NSMCE2: variants seen among roughly 807,000 people sequenced by gnomAD.
NSMCE2 encodes NSE2 SUMO ligase component of SMC5/6 complex, also known as E3 SUMO-protein ligase NSE2.
In NSMCE2, 24 loss-of-function variants were observed where a neutral mutation model predicts 23.8. That is an observed-to-expected ratio of 1.01 (90% CI 0.73 to 1.42). NSMCE2 has a LOEUF of 1.42. Among genes scored for constraint, NSMCE2 ranks in the 40% most tolerant of loss-of-function variants. The pLI, the probability that NSMCE2 is intolerant of heterozygous loss-of-function variation, is 0.00. For missense variants in NSMCE2, 284 were observed against 296.5 expected (o/e 0.96, Z 0.31); for synonymous variants, 92 against 94.1 (o/e 0.98, Z 0.13).
chr8:125,338,481 A>G (rs1467441572), intron 5 of NSMCE2, among the ~76,000 whole-genome samples: 1 of 152,228 alleles, frequency 6.6e-6, no homozygotes, highest in Non-Finnish European at 1.5e-5. Flanking sequence ...TCCTGACAGC[A>G]GAGTGCAAGC....
intron 4 of NSMCE2, among the ~76,000 whole-genome samples, chr8:125,178,062 C>T (rs1822583411): frequency 6.6e-6 from 1 of 152,220 alleles, no homozygotes; most frequent in Admixed American, 6.5e-5. Flanking sequence ...GCCAGCCCCT[C>T]TGCCATTAGT....
intron 5 of NSMCE2, among the ~76,000 whole-genome samples, chr8:125,332,782 T>C (rs1470933741): frequency 6.6e-6 from 1 of 152,228 alleles, no homozygotes; most frequent in African/African-American, 2.4e-5. Flanking sequence ...GCACTTTAGC[T>C]TAGATTTCTG....
intron 3 of NSMCE2, among the ~76,000 whole-genome samples, chr8:125,106,234 CAT>C (rs1365856254): frequency 1.3e-5 from 2 of 152,080 alleles, no homozygotes; most frequent in African/African-American, 2.4e-5. Flanking sequence ...AAGACAAACA[CAT>C]ATTAAAATAC....
chr8:125,184,661 TA>T (rs1268831367), intron 5 of NSMCE2, among the ~76,000 whole-genome samples: 1 of 152,152 alleles, frequency 6.6e-6, no homozygotes, highest in Non-Finnish European at 1.5e-5. Context: ...AATGTAATTT[TA>T]GTGCAGTATT....
Position 125,367,011 on chromosome 8 carries a change from T to G in NSMCE2, c.*126T>G, listed in dbSNP as rs1813826477. The G allele has an allele frequency of 3.2e-6, 2 of 618,190 alleles. No individual in the cohort carries two copies. The highest frequency in any genetic ancestry group is 5.4e-5 in the Admixed American group (2 of 36,980). The allele number at this position is 618,190 out of a possible 1,614,324, so 38.3% of individuals were successfully genotyped here. On this transcript the variant is annotated 3_prime_UTR_variant, in exon 8 of 8. Transcript: ENST00000287437. The stretch of plus-strand genomic sequence containing the variant: ...CATACTTGTTGGGGGTAAAACTTGT[T>G]GCTTTTATGTGTGCTTGAAAACATT...
rs780039972 is a variant in NSMCE2, at chr8:125,102,407, C to T, written c.77C>T (p.Ser26Phe). The T allele has an allele frequency of 1.9e-6, 3 of 1,613,358 alleles. No homozygotes were observed. The highest frequency in any genetic ancestry group is 3.3e-5 in the Admixed American group (2 of 60,020). Residue 26 changes from serine (S) to phenylalanine (F), a missense_variant, in exon 3 of 8, where the codon TCC becomes TTC. Around this residue, in one of 2 missense-constraint regions of NSMCE2, gnomAD observed 182 missense variants for 155.5 expected, o/e 1.17. Transcript: ENST00000287437. The part of the protein sequence containing the change: ...SFSGVESALS[S>F]LKNFQACINS... ...AGTGGTGTAGAGTCTGCTCTCTCCT[C>T]CTTGAAAAACTTCCAAGCCTGTATC...
chr8:125,170,269 A>G (rs980120483), intron 4 of NSMCE2, among the ~76,000 whole-genome samples: 1 of 151,208 alleles, frequency 6.6e-6, no homozygotes, highest in African/African-American at 2.4e-5. Context: ...AGAAAATGGC[A>G]GTATTACTAT....
At chr8:125,137,374 A>G (rs1820124726) in intron 3 of NSMCE2, among the ~76,000 whole-genome samples, 1 of 152,084 alleles carries the variant, frequency 6.6e-6, no homozygotes, top group Non-Finnish European at 1.5e-5. Context: ...TCCTTCATTA[A>G]CTTTCTGTTT....
chr8:125,324,045 AATATATAG>A (rs1182950692), intron 5 of NSMCE2, among the ~76,000 whole-genome samples: 1 of 152,244 alleles, frequency 6.6e-6, no homozygotes, highest in Admixed American at 6.5e-5. Context: ...AGACACTTAA[AATATATAG>A]ATGACAAGCA....
chr8:125,361,132 C>T (rs766538058), intron 7 of NSMCE2, among the ~76,000 whole-genome samples: 27 of 147,102 alleles, frequency 1.8e-4, no homozygotes, highest in Non-Finnish European at 3.3e-4. Context: ...CACTCTGTCT[C>T]CCAGGCTGGA....
chr8:125,255,853 A>G (rs1230485407), intron 5 of NSMCE2, among the ~76,000 whole-genome samples: 1 of 152,216 alleles, frequency 6.6e-6, no homozygotes, highest in Non-Finnish European at 1.5e-5. Context: ...TGAAGCATGA[A>G]GACCAGTCAG....
intron 5 of NSMCE2, among the ~76,000 whole-genome samples, chr8:125,340,053 G>C (rs1248537041): frequency 8.2e-6 from 1 of 121,962 alleles, no homozygotes. Context: ...CTCGCTCTGT[G>C]GCCCAGGCGG....
chr8:125,146,058 A>G (rs537529688), intron 3 of NSMCE2, among the ~76,000 whole-genome samples: 7 of 152,242 alleles, frequency 4.6e-5, no homozygotes, highest in Middle Eastern at 3.2e-3. Context: ...GAATTTGGAA[A>G]GAGCTTTCCA....
At chr8:125,366,739 AC>A (rs1468642258) in intron 7 of NSMCE2, 28 bp from the exon 8 acceptor site, 8 of 1,291,310 alleles carry the variant, frequency 6.2e-6, no homozygotes, top group Non-Finnish European at 7.9e-6. Context: ...AGTAAAGGGG[AC>A]TGACTTGATG....
At chr8:125,223,596 A>G (rs1224483839) in intron 5 of NSMCE2, among the ~76,000 whole-genome samples, 1 of 152,136 alleles carries the variant, frequency 6.6e-6, no homozygotes, top group African/African-American at 2.4e-5. Flanking sequence ...CCCACGAACA[A>G]TGTACCAGGG....
At chr8:125,109,203 T>C (rs1295802778) in intron 3 of NSMCE2, among the ~76,000 whole-genome samples, 1 of 152,214 alleles carries the variant, frequency 6.6e-6, no homozygotes, top group Non-Finnish European at 1.5e-5. Flanking sequence ...TGCCCTCTCT[T>C]ATCTTTGTGA....
At chr8:125,204,084 G>A (rs946576085) in intron 5 of NSMCE2, among the ~76,000 whole-genome samples, 4 of 152,140 alleles carry the variant, frequency 2.6e-5, no homozygotes, top group Non-Finnish European at 4.4e-5. Context: ...CCAGTGCTTA[G>A]TATATATTTG....
intron 5 of NSMCE2, among the ~76,000 whole-genome samples, chr8:125,241,633 A>T (rs1825768721): frequency 6.6e-6 from 1 of 152,246 alleles, no homozygotes; most frequent in Non-Finnish European, 1.5e-5. Context: ...TGAAAAAGAT[A>T]ACTGTAGGAT....
chr8:125,223,346 A>C (rs1824954217), intron 5 of NSMCE2, among the ~76,000 whole-genome samples: 1 of 152,208 alleles, frequency 6.6e-6, no homozygotes, highest in Non-Finnish European at 1.5e-5. Context: ...CAACAGAGCA[A>C]GACCCTGTCC....
Sources: gnomAD v4.1 joint callset for allele counts (sites outside exome capture counted in the v4.1 genomes callset) on GRCh38, gnomAD v4.1.1 for gene constraint, gnomAD v4.1.1 regional missense constraint, MANE v1.5 for transcripts, NCBI Gene and HGNC (gene_info 2026-07-23, HGNC 2026-07-21) for gene names.